Variants in PTPRD observed in about 807,000 individuals in gnomAD.
PTPRD encodes receptor-type tyrosine-protein phosphatase delta.
Under a neutral mutation model 214.5 loss-of-function variants are expected in PTPRD, and 34 were observed. The ratio of observed to expected loss-of-function variants is 0.16; its 90% CI spans 0.12 to 0.21. PTPRD has a LOEUF of 0.21. PTPRD is among the 10% of genes least tolerant of loss of function. The pLI is 1.00. For missense variants in PTPRD, 2,545 were observed against 2,398.7 expected, an observed-to-expected ratio of 1.06 and a Z score of -1.27; for synonymous variants, 1,128 against 845.7, an observed-to-expected ratio of 1.33 and a Z score of -5.79.
At chr9:10,226,574 G>T (rs143714142) in intron 3 of PTPRD, among the ~76,000 whole-genome samples, 37 of 152,104 alleles carry the variant, frequency 2.4e-4, no homozygotes, top group African/African-American at 7.7e-4. Flanking sequence ...TGCTAAACAA[G>T]AATTTAAAGA....
intron 3 of PTPRD, among the ~76,000 whole-genome samples, chr9:10,219,370 C>T (rs578026225): frequency 1.3e-5 from 2 of 151,844 alleles, no homozygotes; most frequent in South Asian, 4.1e-4. Context: ...AGAAATTTTC[C>T]TTGGGAATGA....
At chr9:8,671,712 T>G (rs2097290549) in intron 12 of PTPRD, among the ~76,000 whole-genome samples, 1 of 152,160 alleles carries the variant, frequency 6.6e-6, no homozygotes, top group Non-Finnish European at 1.5e-5. Context: ...AGAAATTATT[T>G]TTTACACACC....
chr9:9,873,239 C>G (rs942190205), intron 5 of PTPRD, among the ~76,000 whole-genome samples: 2 of 152,080 alleles, frequency 1.3e-5, no homozygotes, highest in Admixed American at 6.6e-5. Context: ...ACTGTTCTAA[C>G]CTTTCATGTA....
In PTPRD at chr9:10,428,769, CTG is replaced by C. The variant is rs572367807; in HGVS notation, c.-599-87754_-599-87753del. ...TCTAAACTTTTGGAATAATGAGTGA[CTG>C]TATTTGTGAGGGGAATATAGACAAA... On this transcript the variant is annotated intron_variant, in intron 2 of 45. Coordinates refer to ENST00000381196, the MANE Select transcript of PTPRD (RefSeq NM_002839.4). Among the ~76,000 whole-genome samples, 381 of 152,128 alleles carry C rather than the reference CTG, an allele frequency of 2.5e-3. 1 individual carries two copies. The highest frequency in any genetic ancestry group is 3.9e-3 in the Non-Finnish European group (262 of 67,986).
intron 9 of PTPRD, among the ~76,000 whole-genome samples, chr9:9,349,803 A>G (rs1458203557): frequency 2.6e-5 from 4 of 151,758 alleles, no homozygotes; most frequent in African/African-American, 9.7e-5. Context: ...CTCATCACCT[A>G]TGGGGACAGA....
intron 5 of PTPRD, among the ~76,000 whole-genome samples, chr9:9,854,648 T>A (rs538741047): frequency 6.6e-6 from 1 of 152,192 alleles, no homozygotes; most frequent in Non-Finnish European, 1.5e-5. Context: ...CCCACCATAT[T>A]TTTACTTGTT....
At chr9:8,991,506 CCA>C (rs2099366605) in intron 11 of PTPRD, among the ~76,000 whole-genome samples, 1 of 152,044 alleles carries the variant, frequency 6.6e-6, no homozygotes, top group Non-Finnish European at 1.5e-5. Flanking sequence ...TTGTTTAGCA[CCA>C]GATACCCTCA....
At chr9:8,465,439 A>C in intron 32 of PTPRD, 27 bp downstream of exon 32, 1 of 1,596,350 alleles carries the variant, frequency 6.3e-7, no homozygotes, top group Non-Finnish European at 8.6e-7. Context: ...GTACCATAGG[A>C]AACAGATGCC....
intron 37 of PTPRD, among the ~76,000 whole-genome samples, chr9:8,379,611 T>C (rs1333653877): frequency 6.6e-6 from 1 of 152,192 alleles, no homozygotes; most frequent in African/African-American, 2.4e-5. Context: ...TAAAATGTTT[T>C]CCTTTGACAA....
intron 11 of PTPRD, among the ~76,000 whole-genome samples, chr9:9,009,928 C>T (rs111551244): frequency 1.1e-4 from 17 of 152,178 alleles, no homozygotes; most frequent in African/African-American, 3.4e-4. Flanking sequence ...GGTGCCTCTA[C>T]GGAGGGATCC....
chr9:10,061,302 A>T (rs1169999626), intron 3 of PTPRD, among the ~76,000 whole-genome samples: 2 of 152,084 alleles, frequency 1.3e-5, no homozygotes, highest in African/African-American at 2.4e-5. Context: ...CCAATGAGCA[A>T]ATGAATCACA....
chr9:10,486,740 G>C (rs757490666), intron 2 of PTPRD, among the ~76,000 whole-genome samples: 14 of 152,166 alleles, frequency 9.2e-5, no homozygotes, highest in Admixed American at 2.0e-4. Flanking sequence ...CTATACTTGA[G>C]AATGATTCAT....
chr9:10,493,525 T>A (rs542475726), intron 2 of PTPRD, among the ~76,000 whole-genome samples: 5 of 151,872 alleles, frequency 3.3e-5, no homozygotes, highest in Non-Finnish European at 7.4e-5. Flanking sequence ...ATAAATGGTG[T>A]TGGGAAAATT....
chr9:10,048,484 A>G (rs996754667), intron 3 of PTPRD, among the ~76,000 whole-genome samples: 15 of 151,928 alleles, frequency 9.9e-5, no homozygotes, highest in African/African-American at 3.1e-4. Flanking sequence ...CCAGCTGTCT[A>G]CTTGTTTTTA....
At chr9:10,307,380 C>G (rs1171285439) in intron 3 of PTPRD, among the ~76,000 whole-genome samples, 3 of 152,038 alleles carry the variant, frequency 2.0e-5, no homozygotes, top group East Asian at 1.9e-4. Context: ...ACATTTCCAT[C>G]CATGTTGCTA....
chr9:8,666,116 T>C (rs983875563), intron 12 of PTPRD, among the ~76,000 whole-genome samples: 1 of 152,098 alleles, frequency 6.6e-6, no homozygotes, highest in Non-Finnish European at 1.5e-5. Flanking sequence ...TAAAAGAATA[T>C]GCTATTTTGT....
intron 11 of PTPRD, among the ~76,000 whole-genome samples, chr9:8,793,073 A>T (rs1366125326): frequency 6.6e-6 from 1 of 152,078 alleles, no homozygotes; most frequent in African/African-American, 2.4e-5. Flanking sequence ...CAAACAGATG[A>T]CTCGTACCTG....
rs115160808 is a variant in PTPRD, at chr9:8,642,032, T to C, written c.65-5188A>G. Among the ~76,000 whole-genome samples, 233 of 152,278 alleles carry C rather than the reference T, an allele frequency of 1.5e-3. 1 individual carries two copies. Among genetic ancestry groups the C allele is most frequent in the African/African-American group, 4.7e-3 (197 of 41,552 alleles). ...CCTCCCTTTCGTACACTATACTAAG[T>C]AGTGCTAGACATAAATCGGGGAGAG... On this transcript the variant is annotated intron_variant, in intron 12 of 45. Transcript: ENST00000381196.
At chr9:8,483,578 C>A (rs371957190) in intron 30 of PTPRD, among the ~76,000 whole-genome samples, 2 of 152,084 alleles carry the variant, frequency 1.3e-5, no homozygotes, top group African/African-American at 4.8e-5. Flanking sequence ...CGGTGAAACC[C>A]GGTCTCTACT....
Sources: gnomAD v4.1 joint callset for allele counts (sites outside exome capture counted in the v4.1 genomes callset) on GRCh38, gnomAD v4.1.1 for gene constraint, MANE v1.5 for transcripts, NCBI Gene and HGNC (gene_info 2026-07-23, HGNC 2026-07-21) for gene names.